Variants in FMN2 observed in about 807,000 individuals in gnomAD.
FMN2 encodes the protein formin-2.
A neutral mutation model predicts 142.3 loss-of-function variants in FMN2; 51 were observed. That is an observed-to-expected ratio of 0.36 (90% CI 0.29 to 0.45). The LOEUF is 0.45. Among genes scored for constraint, FMN2 ranks in the 20% least tolerant of loss-of-function variants. FMN2 has a pLI of 1.00. For missense variants in FMN2, 1,936 were observed against 2,122.8 expected, an observed-to-expected ratio of 0.91 and a Z score of 1.73; for synonymous variants, 882 against 869.8, an observed-to-expected ratio of 1.01 and a Z score of -0.25.
At chr1:240,293,029 A>T (rs1416544581) in intron 7 of FMN2, among the ~76,000 whole-genome samples, 1 of 152,180 alleles carries the variant, frequency 6.6e-6, no homozygotes, top group Non-Finnish European at 1.5e-5. Flanking sequence ...TTCATGGGTT[A>T]GGACCCTTTG....
Position 240,472,491 on chromosome 1 carries a change from G to T in FMN2, c.5142+38G>T. 6 of 1,383,210 alleles carry T rather than the reference G, an allele frequency of 4.3e-6. No individual in the cohort carries two copies. The South Asian group carries it at 7.6e-5, about 17-fold the overall frequency. The allele number at this position is 1,383,210 out of a possible 1,614,324, so 85.7% of individuals were successfully genotyped here. ...GATTTTTAACTTGTTATTTTCTTTG[G>T]CTTTTAAATCCTATTTTCATAATAT... On this transcript the variant is annotated intron_variant, in intron 17 of 17. Coordinates refer to ENST00000319653, the MANE Select transcript of FMN2 (RefSeq NM_020066.5).
chr1:240,225,000 A>G (rs1667246900), intron 6 of FMN2, among the ~76,000 whole-genome samples: 2 of 152,206 alleles, frequency 1.3e-5, no homozygotes, highest in Non-Finnish European at 2.9e-5. Flanking sequence ...TAAAACAAAT[A>G]TAAGTTTCAA....
rs1188898023 is a variant in FMN2, at chr1:240,329,474, T to A, written c.4437+6T>A. 20 of 1,612,714 alleles carry A rather than the reference T, an allele frequency of 1.2e-5. No homozygotes were observed. Among genetic ancestry groups the A allele is most frequent in the Non-Finnish European group, 1.6e-5 (19 of 1,179,554 alleles). On this transcript the variant is annotated splice_donor_region_variant and intron_variant, in intron 10 of 17. Transcript: ENST00000319653. The stretch of plus-strand genomic sequence containing the variant: ...TACTACAGAAATTGTGTGAGGTGAG[T>A]TCTGGTCCAAAGAGAGCTGAACTTG...
At chr1:240,288,463 G>T (rs534573349) in intron 7 of FMN2, among the ~76,000 whole-genome samples, 1 of 152,186 alleles carries the variant, frequency 6.6e-6, no homozygotes, top group East Asian at 1.9e-4. Flanking sequence ...TTAACACAAG[G>T]TAGAGACCCA....
intron 6 of FMN2, among the ~76,000 whole-genome samples, chr1:240,241,260 T>C (rs1558388135): frequency 1.4e-5 from 2 of 142,174 alleles, no homozygotes; most frequent in African/African-American, 5.3e-5. Flanking sequence ...TTTTTTTTTG[T>C]CAAGGTCATC....
In FMN2 at chr1:240,469,281, G is replaced by C. The variant is rs549829341; in HGVS notation, c.5061-3091G>C. ...ACTAAATCAGAATACCTAAGAATAG[G>C]CCTAGAGAGCTGCATTTTAACAAAT... On this transcript the variant is annotated intron_variant, in intron 16 of 17. Coordinates refer to ENST00000319653, the MANE Select transcript of FMN2 (RefSeq NM_020066.5). Among the ~76,000 whole-genome samples the C allele has an allele frequency of 2.0e-4, 30 of 152,202 alleles. 1 individual carries two copies. Among genetic ancestry groups the C allele is most frequent in the African/African-American group, 7.2e-4 (30 of 41,520 alleles).
intron 2 of FMN2, among the ~76,000 whole-genome samples, chr1:240,177,021 G>GT (rs977157066): frequency 6.6e-6 from 1 of 152,142 alleles, no homozygotes; most frequent in African/African-American, 2.4e-5. Context: ...GATTACAGTG[G>GT]TTTTTTGTTT....
chr1:240,303,955 G>A (rs1670289784), intron 8 of FMN2, among the ~76,000 whole-genome samples: 1 of 151,870 alleles, frequency 6.6e-6, no homozygotes, highest in South Asian at 2.1e-4. Context: ...TTCTCTTTGT[G>A]CATTATTTTA....
At chr1:240,189,731 G>A (rs1458891408) in intron 4 of FMN2, among the ~76,000 whole-genome samples, 3 of 152,166 alleles carry the variant, frequency 2.0e-5, no homozygotes, top group South Asian at 2.1e-4. Context: ...GGAGAGGCAC[G>A]GTGGGCTCAA....
chr1:240,146,935 A>T (rs1663507599), intron 2 of FMN2, among the ~76,000 whole-genome samples: 1 of 146,164 alleles, frequency 6.8e-6, no homozygotes, highest in Admixed American at 7.2e-5. Context: ...AGCTGTAAAG[A>T]ACTAATGGTG....
intron 16 of FMN2, among the ~76,000 whole-genome samples, chr1:240,438,759 T>C (rs9728609): frequency 0.75 from 114,343 of 152,060 alleles, 43,438 homozygotes; most frequent in African/African-American, 0.86. Context: ...CTTCAGTATA[T>C]GGAATAAAGT....
Position 240,147,017 on chromosome 1 carries a change from CTAAG to C in FMN2, c.1782+23674_1782+23677del, listed in dbSNP as rs562771986. 2.8e-3 allele frequency among the ~76,000 whole-genome samples: 422 copies of C among 152,238 alleles called. 4 individuals carry two copies. Among genetic ancestry groups the C allele is most frequent in the African/African-American group, 9.6e-3 (397 of 41,538 alleles). On this transcript the variant is annotated intron_variant, in intron 2 of 17. Transcript: ENST00000319653. Reference sequence around the variant, plus strand: ...CCGTGGTGAATGCAGATTAATGAATCTAAGTGAGTCTATTTGGTTTTTTCAGTTT... The same window carrying C: ...CCGTGGTGAATGCAGATTAATGAATCTGAGTCTATTTGGTTTTTTCAGTTT...
chr1:240,137,416 G>A (rs774479823), intron 2 of FMN2, among the ~76,000 whole-genome samples: 2 of 152,140 alleles, frequency 1.3e-5, no homozygotes, highest in African/African-American at 2.4e-5. Flanking sequence ...TAATAAGCAC[G>A]GCTGTGTTTC....
chr1:240,394,655 C>A (rs12564540), intron 15 of FMN2, among the ~76,000 whole-genome samples: 1 of 152,076 alleles, frequency 6.6e-6, no homozygotes, highest in Non-Finnish European at 1.5e-5. Context: ...AGAGAGAAGT[C>A]AATGCCTGAC....
At chr1:240,170,285 T>A (rs1664649549) in intron 2 of FMN2, 2 of 1,114,426 alleles carry the variant, frequency 1.8e-6, no homozygotes, top group Non-Finnish European at 2.7e-6. Flanking sequence ...TGAATCAAGA[T>A]CATTGCCACT....
intron 6 of FMN2, among the ~76,000 whole-genome samples, chr1:240,247,949 G>T (rs1668133759): frequency 6.6e-6 from 1 of 152,092 alleles, no homozygotes; most frequent in South Asian, 2.1e-4. Context: ...ATTTCTGTGA[G>T]TTAGGAACAT....
intron 6 of FMN2, among the ~76,000 whole-genome samples, chr1:240,248,822 T>C (rs1035860961): frequency 6.6e-6 from 1 of 152,156 alleles, no homozygotes; most frequent in Non-Finnish European, 1.5e-5. Context: ...TTAGTGATGT[T>C]GAGCAGTTTT....
intron 6 of FMN2, among the ~76,000 whole-genome samples, chr1:240,230,527 G>A (rs1667498712): frequency 7.6e-6 from 1 of 132,042 alleles, no homozygotes; most frequent in Non-Finnish European, 1.6e-5. Context: ...TAGTAGGAAT[G>A]TAGGCAAGGC....
chr1:240,132,449 T>TA (rs1662777808), intron 2 of FMN2, among the ~76,000 whole-genome samples: 1 of 152,134 alleles, frequency 6.6e-6, no homozygotes, highest in Non-Finnish European at 1.5e-5. Flanking sequence ...TATTGGTGTT[T>TA]AAGACTTCAG....
Sources: allele counts gnomAD v4.1 joint callset (sites outside exome capture counted in the v4.1 genomes callset), GRCh38; gene constraint gnomAD v4.1.1; transcripts MANE v1.5; gene names NCBI Gene and HGNC (gene_info 2026-07-23, HGNC 2026-07-21).